The following SARDH variants were observed in gnomAD, a reference collection of about 807,000 sequenced individuals.
SARDH encodes the protein sarcosine dehydrogenase, mitochondrial.
Under a neutral mutation model 109.1 loss-of-function variants are expected in SARDH, and 95 were observed. The ratio of observed to expected loss-of-function variants is 0.87; its 90% CI spans 0.74 to 1.03. The LOEUF is 1.03. Among genes scored for constraint, SARDH ranks in the 50% least tolerant of loss-of-function variants. SARDH has a pLI of 0.00. For missense variants in SARDH, 1,267 were observed against 1,287.8 expected, an observed-to-expected ratio of 0.98 and a Z score of 0.25; for synonymous variants, 572 against 534.8, an observed-to-expected ratio of 1.07 and a Z score of -0.96.
intron 17 of SARDH, among the ~76,000 whole-genome samples, chr9:133,679,724 T>C (rs1359060615): frequency 6.6e-6 from 1 of 152,192 alleles, no homozygotes. Context: ...AGTCCAGGGA[T>C]CGTGGCAGCC....
At chr9:133,669,443 C>A (rs1050433625) in intron 19 of SARDH, among the ~76,000 whole-genome samples, 1 of 150,270 alleles carries the variant, frequency 6.7e-6, no homozygotes, top group African/African-American at 2.5e-5. Flanking sequence ...TCCACAGAGC[C>A]CAAAGCCGCC....
In SARDH at chr9:133,693,260, G is replaced by A. The variant is rs1420549355; in HGVS notation, c.1921+998C>T. 1.3e-5 allele frequency among the ~76,000 whole-genome samples: 2 copies of A among 152,110 alleles called. No homozygotes were observed. The highest frequency in any genetic ancestry group is 2.9e-5 in the Non-Finnish European group (2 of 68,036). On this transcript the variant is annotated intron_variant, in intron 15 of 20. Transcript: ENST00000439388. This position sits in a 1 kb window ranked among gnomAD's most constrained non-coding sequence, Gnocchi z 5.6. ...CTCAAACTGAGCCTGACACACAGTC[G>A]GTGCTCAATGACTGCTGCCGAAGGT...
At chr9:133,664,120 T>G in intron 20 of SARDH, 106 bp from the exon 21 acceptor site, 1 of 1,443,548 alleles carries the variant, frequency 6.9e-7, no homozygotes. Flanking sequence ...ACCTGCCCTG[T>G]GGGCAAACTC....
intron 10 of SARDH, among the ~76,000 whole-genome samples, chr9:133,710,949 T>C (rs1048911078): frequency 6.6e-6 from 1 of 152,154 alleles, no homozygotes; most frequent in Non-Finnish European, 1.5e-5. Context: ...GCTGCTGTAC[T>C]CCAGGGTGGG....
chr9:133,663,914 T>C lies in SARDH; in HGVS notation c.2732A>G (p.Asn911Ser), dbSNP rs1217651279. 1 of 1,614,024 alleles carries C rather than the reference T, an allele frequency of 6.2e-7. No homozygotes were observed. Among genetic ancestry groups the C allele is most frequent in the Non-Finnish European group, 8.5e-7 (1 of 1,180,000 alleles). Residue 911 changes from asparagine to serine, a missense_variant, in exon 21 of 21, where the codon AAC becomes AGC. Asn to Ser is a conservative substitution (Grantham distance 46, BLOSUM62 1). Coordinates refer to ENST00000439388, the MANE Select transcript of SARDH (RefSeq NM_001134707.2). ...AHLKSPFDPN[N>S]KRVKGIY ...TCAGTAGATTCCCTTCACCCTCTTG[T>C]TGTTGGGGTCGAAGGGCGACTTCAG... is the stretch of plus-strand genomic sequence containing the variant.
At position 133,729,828 on chromosome 9, in the gene SARDH, G is replaced by A; in HGVS notation, c.852C>T (p.Val284=). ...GGTGCATGGCCACCAGCGGGACCTT[G>A]ACTCCAGCCATCCGGCCCACAGCAC... ...WASAVGRMAG[V]KVPLVAMHHA... The change falls in exon 6 of 21, where the codon GTC becomes GTT. Residue 284 remains valine, a synonymous_variant. Coordinates refer to ENST00000439388, the MANE Select transcript of SARDH (RefSeq NM_001134707.2). 2 of 1,612,462 alleles carry A rather than the reference G, an allele frequency of 1.2e-6. No homozygotes were observed. The highest frequency in any genetic ancestry group is 1.7e-5 in the Admixed American group (1 of 60,020).
Position 133,732,534 on chromosome 9 carries a change from C to T in SARDH, c.399G>A (p.Val133=), listed in dbSNP as rs764907569. Residue 133 remains valine, a synonymous_variant, in exon 3 of 21, where the codon GTG becomes GTA. Coordinates refer to ENST00000439388, the MANE Select transcript of SARDH (RefSeq NM_001134707.2). ...CCGTCTCCTCCTCCAGCTCCCGGCT[C>T]ACCACCCGCCGAGTGTGGGCCAGAA... ...VELLAHTRRV[V]SRELEEETGL... is the part of the protein sequence containing the mutation. 6.2e-7 allele frequency: 1 copy of T among 1,613,936 alleles called. No homozygotes were observed. Among genetic ancestry groups the T allele is most frequent in the Admixed American group, 1.7e-5 (1 of 60,026 alleles).
chr9:133,734,396 CTCAT>C (rs879680573), intron 1 of SARDH, among the ~76,000 whole-genome samples, 193 bp from the exon 2 acceptor site: 84 of 128,730 alleles, frequency 6.5e-4, no homozygotes, highest in African/African-American at 2.5e-3. Context: ...CATTCATTCA[CTCAT>C]TCATTCACTC....
At chr9:133,661,039 C>T (rs772265005), downstream of SARDH, among the ~76,000 whole-genome samples, 32 of 151,988 alleles carry the variant, frequency 2.1e-4, no homozygotes, top group Non-Finnish European at 4.3e-4. Flanking sequence ...CCTGTCTCTA[C>T]AAAAAATACA....
In SARDH at chr9:133,673,889, G is replaced by A. The variant is rs374921110; in HGVS notation, c.2164-2192C>T. ...GCTCAGGGAGAGGGTTGGAGTTCAC[G>A]GGTGGAAGGGAGGGAGCAGTCCCAT... On this transcript the variant is annotated intron_variant, in intron 17 of 20. Transcript: ENST00000439388. Among the ~76,000 whole-genome samples the A allele has an allele frequency of 3.1e-4, 47 of 152,318 alleles. No individual in the cohort carries two copies. The South Asian group carries it at 7.1e-3, about 23-fold the overall frequency.
intron 19 of SARDH, among the ~76,000 whole-genome samples, chr9:133,668,361 C>A: frequency 8.5e-6 from 1 of 117,984 alleles, no homozygotes; most frequent in Non-Finnish European, 1.8e-5. Context: ...CCCTCCCTCT[C>A]CCTCACCCTC....
At position 133,712,705 on chromosome 9, in the gene SARDH, C is replaced by G; in HGVS notation, c.1242G>C (p.Met414Ile). ...FLGCGFNSAG[M>I]MLGGGCGQEL... ...CCTGCCCACAGCCACCACCCAGCAT[C>G]ATTCCTGGCAGGAAGAGAAGCGCAG... is the stretch of plus-strand genomic sequence containing the variant. Residue 414 changes from methionine to isoleucine, a missense_variant, in exon 10 of 21, where the codon ATG (methionine) becomes ATC (isoleucine). Coordinates refer to ENST00000439388, the MANE Select transcript of SARDH (RefSeq NM_001134707.2). This position sits in a 1 kb window ranked among gnomAD's most constrained non-coding sequence, Gnocchi z 4.1. The G allele has an allele frequency of 1.2e-6, 2 of 1,608,486 alleles. No homozygotes were observed. The highest frequency in any genetic ancestry group is 1.7e-6 in the Non-Finnish European group (2 of 1,179,928).
At chr9:133,714,129 C>T (rs2131453730) in intron 8 of SARDH, among the ~76,000 whole-genome samples, 1 of 152,322 alleles carries the variant, frequency 6.6e-6, no homozygotes, top group African/African-American at 2.4e-5. Context: ...GACCCCAGGG[C>T]ACTTCGTTCG....
intron 17 of SARDH, among the ~76,000 whole-genome samples, chr9:133,683,041 G>A (rs910235093): frequency 2.6e-5 from 4 of 152,224 alleles, no homozygotes; most frequent in African/African-American, 7.2e-5. Flanking sequence ...CACCCCCCAC[G>A]CTGTGTTTGG....
chr9:133,730,005 G>T, intron 5 of SARDH, 59 bp downstream of exon 5: 1 of 1,605,030 alleles, frequency 6.2e-7, no homozygotes, highest in Non-Finnish European at 8.5e-7. Context: ...AGAGGTGGGA[G>T]CAGGTTTAGG....
intron 13 of SARDH, among the ~76,000 whole-genome samples, chr9:133,700,773 T>C (rs1450272102): frequency 6.6e-6 from 1 of 152,156 alleles, no homozygotes; most frequent in African/African-American, 2.4e-5. Flanking sequence ...TCACTCCCTA[T>C]TTCCTTCCCC....
downstream of SARDH, among the ~76,000 whole-genome samples, chr9:133,661,307 T>G (rs1415051767): frequency 6.6e-6 from 1 of 150,744 alleles, no homozygotes; most frequent in African/African-American, 2.4e-5. Flanking sequence ...ACCACTGTAC[T>G]CCAGCTTGGG....
Position 133,663,772 on chromosome 9 carries a change from A to T in SARDH, c.*117T>A. ...TGGGGGTTTTCGCAGGACTAGGCCT[A>T]GGCTAAGGACAGGGAGGGCACAAGT... On this transcript the variant is annotated 3_prime_UTR_variant, in exon 21 of 21. Transcript: ENST00000439388. 7.0e-7 allele frequency: 1 copy of T among 1,429,096 alleles called. No homozygotes were observed. Among genetic ancestry groups the T allele is most frequent in the Non-Finnish European group, 9.6e-7 (1 of 1,042,236 alleles). The allele number at this position is 1,429,096 out of a possible 1,614,324, so 88.5% of individuals were successfully genotyped here.
intron 16 of SARDH, among the ~76,000 whole-genome samples, chr9:133,688,723 C>T (rs1349147349): frequency 6.6e-6 from 1 of 152,260 alleles, no homozygotes; most frequent in Non-Finnish European, 1.5e-5. Context: ...GGGGCCTTTG[C>T]ACCTGCTGTT....
Sources: allele counts gnomAD v4.1 joint callset (sites outside exome capture counted in the v4.1 genomes callset), GRCh38; gene constraint gnomAD v4.1.1; non-coding constraint Gnocchi (gnomAD v3.1); transcripts MANE v1.5; gene names NCBI Gene and HGNC (gene_info 2026-07-23, HGNC 2026-07-21).